The following FCMR variants were observed in gnomAD, a reference collection of about 807,000 sequenced individuals.
FCMR encodes immunoglobulin mu Fc receptor.
Under a neutral mutation model 41.6 loss-of-function variants are expected in FCMR, and 34 were observed. The observed-to-expected ratio is 0.82, with a 90% CI of 0.62 to 1.09. The LOEUF (loss-of-function observed/expected upper bound fraction) is 1.09, where lower values mean the gene tolerates loss of function less well. Among genes scored for constraint, FCMR ranks in the 50% least tolerant of loss-of-function variants. The probability of loss-of-function intolerance (pLI) is 0.00; values close to 1 mark genes in which losing one functional copy is unlikely to be tolerated. For synonymous variants in FCMR, 209 were observed against 211.8 expected, an observed-to-expected ratio of 0.99 and a Z score of 0.12; for missense variants, 496 against 512.5, an observed-to-expected ratio of 0.97 and a Z score of 0.31.
intron 4 of FCMR, 123 bp from the exon 5 acceptor site, chr1:206,910,463 A>G: frequency 1.5e-6 from 1 of 679,174 alleles, no homozygotes; most frequent in South Asian, 3.3e-5. Context: ...TTGTTAACAG[A>G]ATTCACTCCA....
intron 1 of FCMR, among the ~76,000 whole-genome samples, chr1:206,920,787 T>C (rs1264756571): frequency 6.6e-6 from 1 of 152,206 alleles, no homozygotes; most frequent in East Asian, 1.9e-4. Context: ...GAGGGGATTG[T>C]GTGTTCTTTT....
chr1:206,907,996 G>A (rs930567148), intron 7 of FCMR: 14 of 1,447,724 alleles, frequency 9.7e-6, no homozygotes, highest in East Asian at 4.6e-5. Context: ...CCTCAAGGTC[G>A]TGCGTCTGAA....
intron 7 of FCMR, among the ~76,000 whole-genome samples, chr1:206,906,879 G>A (rs1678670457): frequency 6.6e-6 from 1 of 151,902 alleles, no homozygotes; most frequent in African/African-American, 2.4e-5. Flanking sequence ...GGAGTCAATG[G>A]TCAGTATTCA....
In FCMR at chr1:206,904,964, G is replaced by T; in HGVS notation, c.*55C>A. 6.3e-7 allele frequency: 1 copy of T among 1,597,180 alleles called. No homozygotes were observed. Among genetic ancestry groups the T allele is most frequent in the South Asian group, 1.1e-5 (1 of 90,416 alleles). ...AGGTATTGGACATCAGCAGATAGAT[G>T]AGACTCCTTGGCACCACAGTCCGAG... is the stretch of plus-strand genomic sequence containing the variant. On this transcript the variant is annotated 3_prime_UTR_variant, in exon 8 of 8. Coordinates refer to ENST00000367091, the MANE Select transcript of FCMR (RefSeq NM_005449.5).
chr1:206,918,746 T>G (rs1320572638), intron 1 of FCMR, among the ~76,000 whole-genome samples: 2 of 151,454 alleles, frequency 1.3e-5, no homozygotes, highest in African/African-American at 4.9e-5. Context: ...ATTATTATCA[T>G]TAGTCAAGGT....
chr1:206,916,129 A>G (rs909257120), intron 1 of FCMR, among the ~76,000 whole-genome samples: 5 of 152,186 alleles, frequency 3.3e-5, no homozygotes, highest in Non-Finnish European at 7.4e-5. Context: ...AAACCCTCAC[A>G]TGAAAAACCC....
chr1:206,921,819 T>A lies in FCMR; in HGVS notation c.36A>T (p.Pro12=). 2 of 1,613,958 alleles carry A rather than the reference T, an allele frequency of 1.2e-6. No individual in the cohort carries two copies. Among genetic ancestry groups the A allele is most frequent in the Non-Finnish European group, 1.7e-6 (2 of 1,179,790 alleles). ...DFWLWPLYFL[P]VSGALRILPE... ...GAAGTGTTTCCCCACGGTACTTACC[T>A]GGCAGGAAGTAAAGTGGCCAAAGCC... Residue 12 remains proline, a splice_region_variant and synonymous_variant, in exon 1 of 8, where the codon CCA becomes CCT. Coordinates refer to ENST00000367091, the MANE Select transcript of FCMR (RefSeq NM_005449.5).
rs988845534 is a variant in FCMR at position 206,909,186 on chromosome 1, G to T, written c.1044+276C>A. Among the ~76,000 whole-genome samples the T allele has an allele frequency of 3.9e-5, 6 of 152,120 alleles. No individual in the cohort carries two copies. The highest frequency in any genetic ancestry group is 1.4e-4 in the African/African-American group (6 of 41,438). On this transcript the variant is annotated intron_variant, in intron 7 of 7. Coordinates refer to ENST00000367091, the MANE Select transcript of FCMR (RefSeq NM_005449.5). This position sits in a 1 kb window ranked among gnomAD's most constrained non-coding sequence, Gnocchi z 5.0. ...GCTGCCACCTATCATTCTCTGCTAA[G>T]CCAGCTGCATCCAGCACGCAGGTAT... is the stretch of plus-strand genomic sequence containing the variant.
At chr1:206,918,550 A>G (rs1449575620) in intron 1 of FCMR, among the ~76,000 whole-genome samples, 2 of 152,124 alleles carry the variant, frequency 1.3e-5, no homozygotes, top group African/African-American at 4.8e-5. Context: ...TTTCTCTTCC[A>G]AAACCTGACC....
At chr1:206,911,134 G>C (rs979132186) in intron 4 of FCMR, among the ~76,000 whole-genome samples, 13 of 152,114 alleles carry the variant, frequency 8.5e-5, no homozygotes, top group African/African-American at 3.1e-4. Flanking sequence ...GGTTCTCATG[G>C]CCCCAGTTTC....
At chr1:206,908,161 G>A (rs1290049863) in intron 7 of FCMR, 4 of 1,444,986 alleles carry the variant, frequency 2.8e-6, no homozygotes, top group Non-Finnish European at 3.8e-6. Flanking sequence ...GAAACGGGCC[G>A]AGAAGAACGT....
chr1:206,911,780 G>C lies in FCMR; in HGVS notation c.660C>G (p.Leu220=). Residue 220 remains leucine (L), a synonymous_variant, in exon 4 of 8, where the codon CTC becomes CTG. Coordinates refer to ENST00000367091, the MANE Select transcript of FCMR (RefSeq NM_005449.5). Reference sequence around the variant, plus strand: ...GGTTGTAGCTGGGCGTCTGGGGCTTGAGCAGCCCCTCCAGAGCTGAGATTT... The same window carrying C: ...GGTTGTAGCTGGGCGTCTGGGGCTTCAGCAGCCCCTCCAGAGCTGAGATTT... ...ASKISALEGL[L]KPQTPSYNHH... 1 of 1,611,784 alleles carries C rather than the reference G, an allele frequency of 6.2e-7. No homozygotes were observed. The highest frequency in any genetic ancestry group is 1.1e-5 in the South Asian group (1 of 90,706).
At chr1:206,908,374 G>T in intron 7 of FCMR, 1 of 578,730 alleles carries the variant, frequency 1.7e-6, no homozygotes, top group East Asian at 2.9e-5. Flanking sequence ...CAAGGAAAGG[G>T]TCTTAGTCAC....
At chr1:206,922,980 G>T (rs941999263), upstream of FCMR, among the ~76,000 whole-genome samples, 1 of 152,266 alleles carries the variant, frequency 6.6e-6, no homozygotes, top group African/African-American at 2.4e-5. Context: ...TCACAGGCAT[G>T]GAAGTGCTTT....
chr1:206,910,462 G>T, intron 4 of FCMR, 122 bp from the exon 5 acceptor site: 1 of 706,412 alleles, frequency 1.4e-6, no homozygotes, highest in Non-Finnish European at 2.1e-6. Context: ...TTTGTTAACA[G>T]AATTCACTCC....
chr1:206,911,637 C>T lies in FCMR; in HGVS notation c.710+93G>A, dbSNP rs920912471. 4.1e-6 allele frequency: 5 copies of T among 1,217,376 alleles called. No homozygotes were observed. In the African/African-American group the frequency reaches 7.5e-5, roughly 18 times the overall value. The allele number at this position is 1,217,376 out of a possible 1,614,324, so 75.4% of individuals were successfully genotyped here. A position where few individuals can be genotyped will look rare whatever the true frequency, so the allele number is the denominator to read the frequency against. On this transcript the variant is annotated intron_variant, in intron 4 of 7. Transcript: ENST00000367091. ...ATTTCACAGTGGCCTAGAGACAAAG[C>T]CAAGGAGGGTGTCTAATAATGGACA...
chr1:206,914,287 ATTTCTTT>A (rs915058486), intron 1 of FCMR, among the ~76,000 whole-genome samples, 193 bp from the exon 2 acceptor site: 6 of 150,578 alleles, frequency 4.0e-5, no homozygotes, highest in African/African-American at 1.5e-4. Flanking sequence ...CCTTATCCTC[ATTTCTTT>A]TTTCTTTTTC....
At position 206,910,353 on chromosome 1, in the gene FCMR, G is replaced by A; in HGVS notation, c.711-13C>T. On this transcript the variant is annotated splice_polypyrimidine_tract_variant and intron_variant, in intron 4 of 7. Coordinates refer to ENST00000367091, the MANE Select transcript of FCMR (RefSeq NM_005449.5). The stretch of plus-strand genomic sequence containing the variant: ...ATAGTCCAGTGCTCTGGGGAGGGAA[G>A]GAAAGGGAGAGAGGGAGGAAGAGAT... 1.3e-6 allele frequency: 2 copies of A among 1,531,418 alleles called. No homozygotes were observed. The highest frequency in any genetic ancestry group is 1.8e-6 in the Non-Finnish European group (2 of 1,138,622). 94.9% of individuals were successfully genotyped at this position (1,531,418 alleles called of 1,614,324 possible).
Position 206,921,856 on chromosome 1 carries a change from G to C in FCMR, c.-2C>G. On this transcript the variant is annotated 5_prime_UTR_variant, in exon 1 of 8. Coordinates refer to ENST00000367091, the MANE Select transcript of FCMR (RefSeq NM_005449.5). ...AAGTGGCCAAAGCCAGAAGTCCATT[G>C]TCCCTTCTAGAGTGCAAGGTCCATC... 6.2e-7 allele frequency: 1 copy of C among 1,614,052 alleles called. No homozygotes were observed. The highest frequency in any genetic ancestry group is 8.5e-7 in the Non-Finnish European group (1 of 1,179,944).
Sources: gnomAD v4.1 joint callset for allele counts (sites outside exome capture counted in the v4.1 genomes callset) on GRCh38, gnomAD v4.1.1 for gene constraint, Gnocchi (gnomAD v3.1) non-coding constraint, MANE v1.5 for transcripts, NCBI Gene and HGNC (gene_info 2026-07-23, HGNC 2026-07-21) for gene names.